EYA2: variants seen among roughly 807,000 people sequenced by gnomAD.
EYA2 encodes the protein protein phosphatase EYA2.
EYA2 carries 31 observed loss-of-function variants against 69.2 expected under a neutral mutation model. The observed-to-expected ratio is 0.45, with a 90% CI of 0.34 to 0.60. The LOEUF (loss-of-function observed/expected upper bound fraction) is 0.60. Among genes scored for constraint, EYA2 ranks in the 20% least tolerant of loss-of-function variants. EYA2 has a pLI of 0.02. For missense variants in EYA2, 622 were observed against 701.2 expected (o/e 0.89, Z 1.28); for synonymous variants, 257 against 279.4 (o/e 0.92, Z 0.80).
intron 5 of EYA2, among the ~76,000 whole-genome samples, chr20:47,027,438 C>T (rs1404749023): frequency 6.6e-6 from 1 of 152,224 alleles, no homozygotes; most frequent in African/African-American, 2.4e-5. Flanking sequence ...AGCATTCTCG[C>T]CCCTGTGCAA....
At chr20:47,161,594 C>T (rs530098172) in intron 10 of EYA2, 3 of 279,836 alleles carry the variant, frequency 1.1e-5, no homozygotes, top group South Asian at 3.5e-5. Context: ...GGCCTTGGCC[C>T]GGGCCCTGTC....
chr20:47,161,263 G>A (rs2034060172), intron 10 of EYA2: 1 of 536,926 alleles, frequency 1.9e-6, no homozygotes, highest in Admixed American at 2.4e-5. Context: ...AGCCCAGGAT[G>A]ATGGCCCCGC....
intron 9 of EYA2, among the ~76,000 whole-genome samples, chr20:47,123,550 A>C (rs1356933598): frequency 1.3e-5 from 2 of 152,210 alleles, no homozygotes; most frequent in Non-Finnish European, 2.9e-5. Flanking sequence ...AGTCAGGGCC[A>C]TGAGCACAAA....
intron 5 of EYA2, among the ~76,000 whole-genome samples, chr20:47,042,040 T>C (rs1325598563): frequency 6.6e-6 from 1 of 152,162 alleles, no homozygotes; most frequent in Non-Finnish European, 1.5e-5. Flanking sequence ...AGTTAAATTA[T>C]AGCCAAGTAT....
chr20:46,973,366 G>A (rs1392481964), intron 1 of EYA2, among the ~76,000 whole-genome samples: 1 of 152,166 alleles, frequency 6.6e-6, no homozygotes, highest in Non-Finnish European at 1.5e-5. Context: ...TTAAATAAAT[G>A]TAGGCGATAC....
At position 47,042,350 on chromosome 20, in the gene EYA2, C is replaced by T. The variant is rs150728988; in HGVS notation, c.415+26053C>T. 5.7e-3 allele frequency among the ~76,000 whole-genome samples: 870 copies of T among 152,204 alleles called. 2 individuals are homozygous for T. Among genetic ancestry groups the T allele is most frequent in the Non-Finnish European group, 8.8e-3 (599 of 68,022 alleles). On this transcript the variant is annotated intron_variant, in intron 5 of 15. Transcript: ENST00000327619. ...TTCTGAGCTAGGCTGCCTATTAGAT[C>T]GATTAAAAGAAATTAAAAGGGAAGT...
chr20:46,908,870 C>CTT (rs56834738), intron 1 of EYA2, among the ~76,000 whole-genome samples: 576 of 47,556 alleles, frequency 0.012, 137 homozygotes, highest in African/African-American at 0.018. Context: ...CTCTCCCGCA[C>CTT]TTTTTTTTTT....
At chr20:47,097,899 C>T (rs2032300182) in intron 9 of EYA2, among the ~76,000 whole-genome samples, 5 of 152,210 alleles carry the variant, frequency 3.3e-5, no homozygotes, top group Admixed American at 3.3e-4. Context: ...CTTAAGACGA[C>T]AGCCTAGTTT....
chr20:47,173,020 G>A (rs538794953), intron 12 of EYA2, among the ~76,000 whole-genome samples, 153 bp downstream of exon 12: 2 of 152,300 alleles, frequency 1.3e-5, no homozygotes, highest in South Asian at 4.1e-4. Flanking sequence ...TCGGAATAGA[G>A]CACTGGGATT....
At chr20:46,954,624 C>T (rs997897807) in intron 1 of EYA2, among the ~76,000 whole-genome samples, 1 of 152,224 alleles carries the variant, frequency 6.6e-6, no homozygotes, top group Non-Finnish European at 1.5e-5. Context: ...GTCAAAACAG[C>T]AGCAACAACA....
chr20:46,936,786 G>T, intron 1 of EYA2, among the ~76,000 whole-genome samples: 1 of 152,230 alleles, frequency 6.6e-6, no homozygotes, highest in Middle Eastern at 3.4e-3. Context: ...TTCCCTCGAC[G>T]GTTCTGTAAC....
intron 8 of EYA2, 98 bp from the exon 9 acceptor site, chr20:47,096,987 G>A (rs531483463): frequency 4.4e-5 from 38 of 869,954 alleles, no homozygotes; most frequent in South Asian, 2.4e-4. Flanking sequence ...AATGTTTTTC[G>A]AGACTTCTTT....
chr20:46,903,372 G>A (rs776080359), intron 1 of EYA2, among the ~76,000 whole-genome samples: 6 of 152,162 alleles, frequency 3.9e-5, no homozygotes, highest in Admixed American at 2.6e-4. Context: ...ACCTGAAACC[G>A]CACTAGGCAT....
chr20:47,129,868 A>G (rs1203581313), intron 9 of EYA2, among the ~76,000 whole-genome samples: 2 of 152,216 alleles, frequency 1.3e-5, no homozygotes, highest in Non-Finnish European at 2.9e-5. Flanking sequence ...GATAAGAATT[A>G]TTATTTTGGG....
intron 2 of EYA2, chr20:46,998,516 A>G (rs555915645): frequency 6.6e-6 from 1 of 152,378 alleles, no homozygotes; most frequent in Non-Finnish European, 1.5e-5. Context: ...GCATAAGAAG[A>G]AGAAAGGCGT....
At chr20:46,964,727 C>T (rs1568691061) in intron 1 of EYA2, among the ~76,000 whole-genome samples, 1 of 152,194 alleles carries the variant, frequency 6.6e-6, no homozygotes, top group African/African-American at 2.4e-5. Context: ...GATGAGGAAA[C>T]TGAGACCAAG....
At chr20:47,019,832 G>A (rs1279358916) in intron 5 of EYA2, among the ~76,000 whole-genome samples, 1 of 151,834 alleles carries the variant, frequency 6.6e-6, no homozygotes, top group East Asian at 1.9e-4. Flanking sequence ...ATCTGGGCAT[G>A]GTGATGCATG....
intron 8 of EYA2, among the ~76,000 whole-genome samples, chr20:47,091,163 C>T (rs537515811): frequency 1.5e-4 from 23 of 152,172 alleles, no homozygotes; most frequent in African/African-American, 5.5e-4. Context: ...ACCCTGAGTC[C>T]CCATGCCACC....
chr20:47,072,767 G>A (rs1333069098), intron 6 of EYA2, among the ~76,000 whole-genome samples: 1 of 152,172 alleles, frequency 6.6e-6, no homozygotes, highest in Non-Finnish European at 1.5e-5. Context: ...GTTCGCATCT[G>A]CTCAAAGTGT....
Sources: allele counts gnomAD v4.1 joint callset (sites outside exome capture counted in the v4.1 genomes callset), GRCh38; gene constraint gnomAD v4.1.1; transcripts MANE v1.5; gene names NCBI Gene and HGNC (gene_info 2026-07-23, HGNC 2026-07-21).